Variants in CPED1 observed in about 807,000 individuals in gnomAD.
CPED1 encodes the protein cadherin-like and PC-esterase domain-containing protein 1.
In CPED1, 114 loss-of-function variants were observed where a neutral mutation model predicts 128.2. The ratio of observed to expected loss-of-function variants is 0.89; its 90% CI spans 0.76 to 1.04. The LOEUF (loss-of-function observed/expected upper bound fraction) is 1.04, where lower values mean the gene tolerates loss of function less well. Among genes scored for constraint, CPED1 ranks in the 50% least tolerant of loss-of-function variants. CPED1 has a pLI of 0.00. For synonymous variants in CPED1, 462 were observed against 426.7 expected, an observed-to-expected ratio of 1.08 and a Z score of -1.02; for missense variants, 1,211 against 1,207.1, an observed-to-expected ratio of 1.00 and a Z score of -0.05.
At chr7:121,088,996 G>C (rs577068966) in intron 5 of CPED1, among the ~76,000 whole-genome samples, 1 of 152,210 alleles carries the variant, frequency 6.6e-6, no homozygotes, top group African/African-American at 2.4e-5. Context: ...ACTCTTCTCA[G>C]GTTCTGCCTG....
intron 2 of CPED1, 81 bp downstream of exon 2, chr7:120,989,951 T>C: frequency 6.5e-7 from 1 of 1,537,152 alleles, no homozygotes; most frequent in Non-Finnish European, 8.8e-7. Context: ...AAAACTAAAA[T>C]TAACTTCCAT....
chr7:121,173,563 G>T lies in CPED1; in HGVS notation c.2055+31422G>T, dbSNP rs141032745. Among the ~76,000 whole-genome samples, 3 of 152,032 alleles carry T rather than the reference G, an allele frequency of 2.0e-5. No individual in the cohort carries two copies. In the East Asian group the frequency reaches 5.8e-4, roughly 29 times the overall value. ...CCATGCATGTTCCTACAAAAGATAT[G>T]ATCTCATTCTTTTTATGGCTGAATA... On this transcript the variant is annotated intron_variant, in intron 16 of 22. Coordinates refer to ENST00000310396, the MANE Select transcript of CPED1 (RefSeq NM_024913.5).
rs1057265707 is a variant in CPED1, at chr7:121,189,783, TATATATATATATATAA to T, written c.2056-46929_2056-46914del. 2.7e-4 allele frequency among the ~76,000 whole-genome samples: 24 copies of T among 87,274 alleles called. 2 individuals carry two copies. The highest frequency in any genetic ancestry group is 1.2e-3 in the Admixed American group (9 of 7,716). 57.3% of individuals were successfully genotyped at this position (87,274 alleles called of 152,430 possible). ...TTTTATATATATATATATATATATATATATATATATATATAAAATTTGTATTTATTGCCTATTTTAT... is the reference window on the plus strand; with the variant it reads ...TTTTATATATATATATATATATATATAATTTGTATTTATTGCCTATTTTAT... On this transcript the variant is annotated intron_variant, in intron 16 of 22. Coordinates refer to ENST00000310396, the MANE Select transcript of CPED1 (RefSeq NM_024913.5).
intron 16 of CPED1, among the ~76,000 whole-genome samples, chr7:121,186,121 TC>T (rs1180720212): frequency 6.6e-6 from 1 of 152,170 alleles, no homozygotes; most frequent in East Asian, 1.9e-4. Context: ...TTGCTTCTCT[TC>T]CCAAAACTAT....
chr7:121,141,243 G>T (rs572202488), intron 15 of CPED1, among the ~76,000 whole-genome samples: 5 of 152,078 alleles, frequency 3.3e-5, no homozygotes, highest in African/African-American at 1.2e-4. Flanking sequence ...ATATAGAGAA[G>T]ATCCATTAAG....
At chr7:121,194,097 A>G (rs1291028073) in intron 16 of CPED1, among the ~76,000 whole-genome samples, 1 of 127,494 alleles carries the variant, frequency 7.8e-6, no homozygotes, top group African/African-American at 3.0e-5. Context: ...TGCCCAGGCT[A>G]TAGTGCAGTG....
chr7:121,198,553 C>T (rs1324989185), intron 16 of CPED1, among the ~76,000 whole-genome samples: 1 of 152,084 alleles, frequency 6.6e-6, no homozygotes, highest in East Asian at 1.9e-4. Flanking sequence ...TCATACTTTA[C>T]AGAGTGCTGC....
At chr7:121,002,226 T>A (rs768409526) in intron 2 of CPED1, among the ~76,000 whole-genome samples, 1 of 152,164 alleles carries the variant, frequency 6.6e-6, no homozygotes, top group Non-Finnish European at 1.5e-5. Context: ...CTAAGCCTAC[T>A]TCTTCCCTAG....
In CPED1 at chr7:121,297,419, C is replaced by A. The variant is rs893559895; in HGVS notation, c.*1767C>A. On this transcript the variant is annotated 3_prime_UTR_variant, in exon 23 of 23. Coordinates refer to ENST00000310396, the MANE Select transcript of CPED1 (RefSeq NM_024913.5). ...ATTTTAGAAACAATTGTAATAATAT[C>A]ATTAATAAATGTCTTACTAGTAATA... 54 of 151,986 alleles carry A rather than the reference C, an allele frequency of 3.6e-4. No homozygotes were observed. The highest frequency in any genetic ancestry group is 1.3e-3 in the African/African-American group (52 of 41,400). 9.4% of individuals were successfully genotyped at this position (151,986 alleles called of 1,614,324 possible).
At chr7:121,064,384 C>A in intron 5 of CPED1, 71 bp downstream of exon 5, 1 of 1,059,236 alleles carries the variant, frequency 9.4e-7, no homozygotes, top group Non-Finnish European at 1.5e-6. Flanking sequence ...AAGCAGCTAA[C>A]ATGGTCTCAG....
chr7:121,172,074 G>A (rs1796659799), intron 16 of CPED1, among the ~76,000 whole-genome samples: 1 of 152,130 alleles, frequency 6.6e-6, no homozygotes, highest in African/African-American at 2.4e-5. Context: ...AGGCAGGAAA[G>A]GTAAAACAAC....
chr7:121,114,888 T>G (rs1795199714), intron 7 of CPED1, among the ~76,000 whole-genome samples: 1 of 152,268 alleles, frequency 6.6e-6, no homozygotes, highest in Admixed American at 6.5e-5. Flanking sequence ...CTGTTTACTG[T>G]GTGCATAAAC....
intron 5 of CPED1, among the ~76,000 whole-genome samples, chr7:121,092,292 A>G (rs981627594): frequency 3.9e-5 from 6 of 152,230 alleles, no homozygotes; most frequent in African/African-American, 1.4e-4. Context: ...GGTCTGAACA[A>G]TAAGTTTGCC....
chr7:121,278,409 C>G (rs17508777), intron 22 of CPED1, among the ~76,000 whole-genome samples: 23,444 of 152,026 alleles, frequency 0.15, 2,234 homozygotes, highest in Admixed American at 0.21. Context: ...ATTTTTATCT[C>G]AGAGCCTCCA....
intron 16 of CPED1, among the ~76,000 whole-genome samples, chr7:121,153,977 T>C (rs1356074549): frequency 6.6e-6 from 1 of 152,216 alleles, no homozygotes; most frequent in East Asian, 1.9e-4. Context: ...AAATCTGTTA[T>C]AGAAAGTCAA....
intron 22 of CPED1, among the ~76,000 whole-genome samples, chr7:121,289,600 TG>T (rs1249806415): frequency 3.3e-5 from 5 of 152,162 alleles, no homozygotes; most frequent in African/African-American, 1.2e-4. Flanking sequence ...TATATGGAAC[TG>T]TTTTCATTGC....
intron 16 of CPED1, among the ~76,000 whole-genome samples, chr7:121,159,623 A>ACC (rs1490153071): frequency 6.6e-6 from 1 of 152,200 alleles, no homozygotes; most frequent in East Asian, 1.9e-4. Flanking sequence ...TCCATTTTAA[A>ACC]TGGCGTGGAT....
chr7:120,998,250 T>C (rs1441048665), intron 2 of CPED1, among the ~76,000 whole-genome samples: 1 of 152,220 alleles, frequency 6.6e-6, no homozygotes, highest in African/African-American at 2.4e-5. Flanking sequence ...TCGAATACTT[T>C]GTTACAGCAG....
intron 2 of CPED1, among the ~76,000 whole-genome samples, chr7:121,005,624 T>C (rs1791992387): frequency 6.6e-6 from 1 of 152,120 alleles, no homozygotes; most frequent in Non-Finnish European, 1.5e-5. Flanking sequence ...GTTCTGCACA[T>C]GTATCCCAGA....
Sources: allele counts gnomAD v4.1 joint callset (sites outside exome capture counted in the v4.1 genomes callset), GRCh38; gene constraint gnomAD v4.1.1; transcripts MANE v1.5; gene names NCBI Gene and HGNC (gene_info 2026-07-23, HGNC 2026-07-21).